Variants in GRIA3 observed in about 807,000 individuals in gnomAD.
GRIA3 encodes the protein glutamate ionotropic receptor AMPA type subunit 3, also known as glutamate receptor 3.
Under a neutral mutation model 63.0 loss-of-function variants are expected in GRIA3, and 3 were observed. The observed-to-expected ratio is 0.05, with a 90% CI of 0.02 to 0.12. The LOEUF (loss-of-function observed/expected upper bound fraction) is 0.12, where lower values mean the gene tolerates loss of function less well. Among genes scored for constraint, GRIA3 ranks in the 10% least tolerant of loss-of-function variants. The pLI is 1.00. For missense variants in GRIA3, 347 were observed against 700.9 expected, an observed-to-expected ratio of 0.50 and a Z score of 5.70; for synonymous variants, 274 against 257.9, an observed-to-expected ratio of 1.06 and a Z score of -0.60.
At chrX:123,231,568 G>C (rs2044276599) in intron 2 of GRIA3, among the ~76,000 whole-genome samples, 2 of 111,869 alleles carry the variant, frequency 1.8e-5, no homozygotes, top group Non-Finnish European at 3.8e-5. Context: ...TGTAATCCAT[G>C]CTGTAAAGAT....
intron 5 of GRIA3, among the ~76,000 whole-genome samples, chrX:123,371,475 G>A (rs1180390604): frequency 9.1e-6 from 1 of 110,493 alleles, no homozygotes; most frequent in East Asian, 2.8e-4. Flanking sequence ...TCTTCATAGC[G>A]GTTGTATTAA....
chrX:123,218,607 A>G (rs749007551), intron 2 of GRIA3, among the ~76,000 whole-genome samples: 1 of 111,035 alleles, frequency 9.0e-6, no homozygotes, highest in East Asian at 2.8e-4. Context: ...CTGATTTTTA[A>G]TGGATATTAC....
intron 4 of GRIA3, among the ~76,000 whole-genome samples, chrX:123,353,192 G>C: frequency 9.0e-6 from 1 of 111,728 alleles, no homozygotes; most frequent in Middle Eastern, 4.6e-3. Flanking sequence ...AGCCTTCCCT[G>C]TTCATATCAG....
intron 2 of GRIA3, among the ~76,000 whole-genome samples, chrX:123,187,462 T>C (rs990788112): frequency 8.9e-6 from 1 of 112,143 alleles, no homozygotes. Flanking sequence ...CTGTCTATAC[T>C]TTGCATCTTA....
At chrX:123,417,858 C>A in intron 11 of GRIA3, 80 bp downstream of exon 11, 2 of 882,402 alleles carry the variant, frequency 2.3e-6, no homozygotes, top group Non-Finnish European at 3.3e-6. Flanking sequence ...ATTCATCCAT[C>A]TCAACTCCAG....
rs895802268 is a variant in GRIA3, at chrX:123,331,002, T to C, written c.696+4789T>C. Among the ~76,000 whole-genome samples, 4 of 112,260 alleles carry C rather than the reference T, an allele frequency of 3.6e-5. No homozygotes were observed. The Admixed American group carries it at 3.8e-4, about 11-fold the overall frequency. ...TATTTTCTAATTTGTCTATTCATTA[T>C]ATATCTAAAAGGCTGTCCCCTTAAA... On this transcript the variant is annotated intron_variant, in intron 4 of 15. Transcript: ENST00000620443.
At chrX:123,256,455 T>G (rs2147284505) in intron 3 of GRIA3, among the ~76,000 whole-genome samples, 1 of 111,843 alleles carries the variant, frequency 8.9e-6, no homozygotes, top group South Asian at 3.7e-4. Flanking sequence ...GAAGGGGCAT[T>G]TAAGCTGAGA....
chrX:123,392,758 G>A lies in GRIA3; in HGVS notation c.751-2210G>A, dbSNP rs769563186. Among the ~76,000 whole-genome samples the A allele has an allele frequency of 5.3e-5, 6 of 112,406 alleles. No individual in the cohort carries two copies. In the South Asian group the frequency reaches 2.2e-3, roughly 42 times the overall value. On this transcript the variant is annotated intron_variant, in intron 5 of 15. Coordinates refer to ENST00000620443, the MANE Select transcript of GRIA3 (RefSeq NM_007325.5). The stretch of plus-strand genomic sequence containing the variant: ...TTCTCTCTTAGGAAATATATTCAAA[G>A]TGTGATTATCTACTCACTATTTTAT...
intron 2 of GRIA3, among the ~76,000 whole-genome samples, chrX:123,229,669 C>T (rs905549280): frequency 8.9e-6 from 1 of 111,867 alleles, no homozygotes; most frequent in African/African-American, 3.2e-5. Context: ...GCACCTAACA[C>T]ATTGTGGGGC....
chrX:123,480,229 C>G, intron 14 of GRIA3, 52 bp downstream of exon 14: 1 of 809,324 alleles, frequency 1.2e-6, no homozygotes. Flanking sequence ...TTTTGACCCA[C>G]TGTTTATTTT....
intron 3 of GRIA3, among the ~76,000 whole-genome samples, chrX:123,310,577 A>G (rs1306979974): frequency 8.8e-6 from 1 of 113,349 alleles, no homozygotes; most frequent in Non-Finnish European, 1.9e-5. Context: ...TTAATTTCCA[A>G]GTGAAATATT....
intron 5 of GRIA3, chrX:123,358,390 A>T: frequency 8.9e-6 from 1 of 112,300 alleles, no homozygotes; most frequent in East Asian, 2.8e-4. Context: ...ATCTTTGTAC[A>T]TTTACATGGA....
intron 3 of GRIA3, among the ~76,000 whole-genome samples, chrX:123,269,568 G>C (rs900100895): frequency 1.8e-5 from 2 of 111,554 alleles, no homozygotes; most frequent in South Asian, 7.8e-4. Context: ...GAGAGGAGCT[G>C]GGAAACTCAT....
At chrX:123,296,476 T>C (rs1199575669) in intron 3 of GRIA3, among the ~76,000 whole-genome samples, 2 of 110,918 alleles carry the variant, frequency 1.8e-5, no homozygotes, top group East Asian at 5.7e-4. Flanking sequence ...AAGCCTGTGT[T>C]TCCTTCTACT....
At chrX:123,436,740 AG>A (rs1248984288) in intron 12 of GRIA3, among the ~76,000 whole-genome samples, 2 of 111,719 alleles carry the variant, frequency 1.8e-5, no homozygotes, top group African/African-American at 6.5e-5. Flanking sequence ...AACATCACAC[AG>A]GACCCCCAGA....
chrX:123,450,351 T>C (rs928309165), intron 12 of GRIA3, among the ~76,000 whole-genome samples: 19 of 112,289 alleles, frequency 1.7e-4, no homozygotes, highest in African/African-American at 5.8e-4. Flanking sequence ...AGAAGTAAAC[T>C]TCACTCAATT....
chrX:123,203,443 A>T (rs1927799293), intron 2 of GRIA3, among the ~76,000 whole-genome samples: 1 of 111,653 alleles, frequency 9.0e-6, no homozygotes, highest in Non-Finnish European at 1.9e-5. Flanking sequence ...GGTCCTTTCT[A>T]GCTTCAACTA....
At chrX:123,460,228 T>C (rs2045784886) in intron 12 of GRIA3, among the ~76,000 whole-genome samples, 1 of 112,002 alleles carries the variant, frequency 8.9e-6, no homozygotes, top group African/African-American at 3.2e-5. Context: ...TGGATCAGAA[T>C]TCATGGACCC....
At chrX:123,231,241 C>T (rs1210700947) in intron 2 of GRIA3, among the ~76,000 whole-genome samples, 2 of 111,478 alleles carry the variant, frequency 1.8e-5, no homozygotes, top group South Asian at 3.8e-4. Context: ...ACGATAAACC[C>T]GACTTCAAAG....
Sources: allele counts gnomAD v4.1 joint callset (sites outside exome capture counted in the v4.1 genomes callset), GRCh38; gene constraint gnomAD v4.1.1; transcripts MANE v1.5; gene names NCBI Gene and HGNC (gene_info 2026-07-23, HGNC 2026-07-21).